PRKD1: variants seen among roughly 807,000 people sequenced by gnomAD.
The protein encoded by PRKD1 is serine/threonine-protein kinase D1.
PRKD1 carries 63 observed loss-of-function variants against 95.9 expected under a neutral mutation model. That is an observed-to-expected ratio of 0.66 (90% CI 0.54 to 0.81). The LOEUF (loss-of-function observed/expected upper bound fraction) is 0.81, where lower values mean the gene tolerates loss of function less well. Ranked by LOEUF, PRKD1 falls within the 30% of genes least tolerant of loss-of-function variation. The pLI is 0.00. For synonymous variants in PRKD1, 425 were observed against 423.1 expected (o/e 1.00, Z -0.05); for missense variants, 1,048 against 1,165.3 (o/e 0.90, Z 1.47).
At chr14:29,728,795 G>A (rs759191354) in intron 1 of PRKD1, among the ~76,000 whole-genome samples, 9 of 152,112 alleles carry the variant, frequency 5.9e-5, no homozygotes, top group Non-Finnish European at 1.0e-4. Context: ...TAAATACCCA[G>A]AAGCAGCATT....
At chr14:29,861,638 T>G (rs893369171) in intron 1 of PRKD1, among the ~76,000 whole-genome samples, 11 of 152,076 alleles carry the variant, frequency 7.2e-5, no homozygotes, top group African/African-American at 2.7e-4. Flanking sequence ...TACTAGGGTT[T>G]GGTTTGGTTT....
chr14:29,826,746 C>CAT lies in PRKD1; in HGVS notation c.264+100501_264+100502dup, dbSNP rs200692321. On this transcript the variant is annotated intron_variant, in intron 1 of 17. Transcript: ENST00000331968. ...ACATATATATACACATATATATACA[C>CAT]ATATATATATACATATATATATACA... Among the ~76,000 whole-genome samples the CAT allele has an allele frequency of 5.9e-4, 29 of 49,206 alleles. 7 individuals carry two copies. The South Asian group carries it at 0.011, about 18-fold the overall frequency. The allele number at this position is 49,206 out of a possible 152,430, so 32.3% of individuals were successfully genotyped here.
chr14:29,877,771 C>T (rs1008908673), intron 1 of PRKD1, among the ~76,000 whole-genome samples: 1 of 152,176 alleles, frequency 6.6e-6, no homozygotes, highest in Non-Finnish European at 1.5e-5. Context: ...AACAGAACTA[C>T]CATTCAACCC....
intron 2 of PRKD1, among the ~76,000 whole-genome samples, 175 bp from the exon 3 acceptor site, chr14:29,666,383 T>C (rs543628382): frequency 2.4e-4 from 37 of 151,900 alleles, no homozygotes; most frequent in Non-Finnish European, 5.3e-4. Flanking sequence ...CCAGCCATAG[T>C]TTTACAGTTG....
At chr14:29,602,427 CTT>C (rs11331211) in intron 13 of PRKD1, among the ~76,000 whole-genome samples, 128 of 131,376 alleles carry the variant, frequency 9.7e-4, no homozygotes, top group Middle Eastern at 4.0e-3. Flanking sequence ...CTGTATTCCT[CTT>C]TTTTTTTTTT....
chr14:29,911,101 A>G (rs1414235583), intron 1 of PRKD1, among the ~76,000 whole-genome samples: 3 of 152,158 alleles, frequency 2.0e-5, no homozygotes, highest in Non-Finnish European at 2.9e-5. Flanking sequence ...TGTGTGTGGT[A>G]TCGGAATATT....
rs921106234 is a variant in PRKD1 at position 29,638,819 on chromosome 14, T to C, written c.782A>G (p.Lys261Arg). 13 of 1,614,124 alleles carry C rather than the reference T, an allele frequency of 8.1e-6. No homozygotes were observed. Among genetic ancestry groups the C allele is most frequent in the Middle Eastern group, 1.6e-4 (1 of 6,062 alleles). ...SYIGRPIHLD[K>R]ILMSKVKVPH... Reference sequence around the variant, plus strand: ...CACTTTAACTTTAGACATCAAAATCTTGTCAAGGTGAATTGGTCGTCCAAT... The same window carrying C: ...CACTTTAACTTTAGACATCAAAATCCTGTCAAGGTGAATTGGTCGTCCAAT... The change falls in exon 5 of 18, where the codon AAG (lysine) becomes AGG (arginine). Residue 261 changes from lysine to arginine, a missense_variant. Physicochemically the swap from Lys to Arg is conservative, Grantham distance 26. This residue lies in a region of PRKD1 where 739 missense variants were observed against 861.9 expected (regional missense o/e 0.86). Coordinates refer to ENST00000331968, the MANE Select transcript of PRKD1 (RefSeq NM_002742.3).
At chr14:29,725,452 T>C (rs1886092302) in intron 2 of PRKD1, 84 bp downstream of exon 2, 1 of 1,487,396 alleles carries the variant, frequency 6.7e-7, no homozygotes, top group Non-Finnish European at 9.2e-7. Flanking sequence ...ATGCTTTTTA[T>C]GTTTCCTTAA....
chr14:29,733,063 T>A (rs1886522625), intron 1 of PRKD1, among the ~76,000 whole-genome samples: 1 of 150,900 alleles, frequency 6.6e-6, no homozygotes, highest in African/African-American at 2.4e-5. Context: ...ATGAGTTCAC[T>A]GATATTTTCT....
chr14:29,926,685 C>T (rs1895308448), intron 1 of PRKD1, among the ~76,000 whole-genome samples: 1 of 152,134 alleles, frequency 6.6e-6, no homozygotes, highest in Admixed American at 6.5e-5. Context: ...AATGTGTTTC[C>T]ATGCTCATAC....
intron 1 of PRKD1, among the ~76,000 whole-genome samples, chr14:29,742,150 G>GTTCC (rs1452390950): frequency 6.6e-6 from 1 of 152,154 alleles, no homozygotes; most frequent in African/African-American, 2.4e-5. Flanking sequence ...TTACTTTGAT[G>GTTCC]TTCCTTGAGA....
intron 12 of PRKD1, among the ~76,000 whole-genome samples, chr14:29,626,001 T>C (rs897322793): frequency 1.1e-4 from 16 of 151,890 alleles, no homozygotes; most frequent in Non-Finnish European, 2.4e-4. Flanking sequence ...AATAAGAAAA[T>C]AGGTAAAGAC....
chr14:29,640,634 TA>T, intron 4 of PRKD1, among the ~76,000 whole-genome samples: 1 of 152,298 alleles, frequency 6.6e-6, no homozygotes, highest in East Asian at 1.9e-4. Context: ...AATTAAAGAA[TA>T]ATTAAATCCA....
At chr14:29,762,414 G>A (rs1888037666) in intron 1 of PRKD1, among the ~76,000 whole-genome samples, 1 of 152,116 alleles carries the variant, frequency 6.6e-6, no homozygotes, top group South Asian at 2.1e-4. Flanking sequence ...CAAATCAGAA[G>A]ACAGGATGCT....
chr14:29,637,618 C>T lies in PRKD1; in HGVS notation c.985+871G>A, dbSNP rs536884098. 2.6e-5 allele frequency among the ~76,000 whole-genome samples: 4 copies of T among 152,254 alleles called. No homozygotes were observed. The South Asian group carries it at 6.2e-4, about 24-fold the overall frequency. On this transcript the variant is annotated intron_variant, in intron 6 of 17. Transcript: ENST00000331968. ...ACACCACATGCCACAGAAAGTGGGA[C>T]GATCGCCAAGCTTTCAATTTTGGCA...
At chr14:29,633,543 T>C (rs1880167921) in intron 8 of PRKD1, among the ~76,000 whole-genome samples, 1 of 152,176 alleles carries the variant, frequency 6.6e-6, no homozygotes, top group Non-Finnish European at 1.5e-5. Context: ...ATCTAACCAC[T>C]ATGATTTGAT....
intron 1 of PRKD1, among the ~76,000 whole-genome samples, chr14:29,832,538 C>T (rs946869318): frequency 3.3e-5 from 5 of 151,852 alleles, no homozygotes; most frequent in Non-Finnish European, 1.5e-5. Context: ...TAAAATTTAT[C>T]TACCTTTTCT....
intron 1 of PRKD1, among the ~76,000 whole-genome samples, chr14:29,906,842 T>C (rs1228218607): frequency 2.0e-5 from 3 of 152,180 alleles, no homozygotes; most frequent in Non-Finnish European, 4.4e-5. Context: ...CATGGGGTGA[T>C]TGGGTGAGTC....
At chr14:29,855,447 T>C (rs993052064) in intron 1 of PRKD1, among the ~76,000 whole-genome samples, 2 of 152,148 alleles carry the variant, frequency 1.3e-5, no homozygotes, top group African/African-American at 4.8e-5. Flanking sequence ...ATTTCTCCCA[T>C]GTGGAAGAGC....
Sources: allele counts gnomAD v4.1 joint callset (sites outside exome capture counted in the v4.1 genomes callset), GRCh38; gene constraint gnomAD v4.1.1; regional missense constraint gnomAD v4.1.1; transcripts MANE v1.5; gene names NCBI Gene and HGNC (gene_info 2026-07-23, HGNC 2026-07-21).